PUDP: variants seen among roughly 807,000 people sequenced by gnomAD.
The protein encoded by PUDP is pseudouridine 5'-phosphatase, also known as pseudouridine-5'-phosphatase.
Under a neutral mutation model 9.4 loss-of-function variants are expected in PUDP, and 8 were observed. The observed-to-expected ratio is 0.85, with a 90% confidence interval of 0.50 to 1.53. The LOEUF (loss-of-function observed/expected upper bound fraction) is 1.53, where lower values mean the gene tolerates loss of function less well. Ranked by LOEUF, PUDP falls within the 40% of genes most tolerant of loss-of-function variation. PUDP has a pLI of 0.00. For synonymous variants in PUDP, 99 were observed against 80.7 expected, an observed-to-expected ratio of 1.23 and a Z score of -1.22; for missense variants, 188 against 189.7, an observed-to-expected ratio of 0.99 and a Z score of 0.05.
In PUDP at chrX:6,870,926, T is replaced by C. The variant is rs1927165779; in HGVS notation, c.*247+106207A>G. Among the ~76,000 whole-genome samples, 3 of 111,652 alleles carry C rather than the reference T, an allele frequency of 2.7e-5. No homozygotes were observed. In the Admixed American group the frequency reaches 2.9e-4, roughly 11 times the overall value. ...AATCATAGCTGTCTGCAGCCTCAAATTCCTGGGCTCAAGCGATCTTCTTGC... is the reference window on the plus strand; with the variant it reads ...AATCATAGCTGTCTGCAGCCTCAAACTCCTGGGCTCAAGCGATCTTCTTGC... On this transcript the variant is annotated intron_variant and NMD_transcript_variant, in intron 3 of 3. Coordinates refer to the PUDP transcript ENST00000655425.
intron 1 of PUDP, among the ~76,000 whole-genome samples, chrX:7,145,823 A>T (rs1176968047): frequency 8.9e-6 from 1 of 111,974 alleles, no homozygotes; most frequent in East Asian, 2.8e-4. Flanking sequence ...CTACATAGAC[A>T]AACAGAACTT....
intron 1 of PUDP, among the ~76,000 whole-genome samples, chrX:6,716,638 T>G (rs1475133793): frequency 1.2e-5 from 1 of 80,615 alleles, no homozygotes; most frequent in Non-Finnish European, 2.6e-5. Flanking sequence ...TGTATGTATG[T>G]ATTTTTTTTT....
intron 3 of PUDP, among the ~76,000 whole-genome samples, chrX:7,063,448 A>G (rs1453253815): frequency 9.0e-6 from 1 of 111,275 alleles, no homozygotes; most frequent in Non-Finnish European, 1.9e-5. Context: ...GCTTATCTGA[A>G]GGGGCTGGAA....
At chrX:6,985,090 G>A (rs1424367934) in intron 1 of PUDP, among the ~76,000 whole-genome samples, 1 of 111,795 alleles carries the variant, frequency 8.9e-6, no homozygotes, top group African/African-American at 3.3e-5. Flanking sequence ...TTATTCTAGA[G>A]GACCAATGAA....
At chrX:7,036,318 A>G (rs898023467) in intron 1 of PUDP, among the ~76,000 whole-genome samples, 1 of 111,908 alleles carries the variant, frequency 8.9e-6, no homozygotes, top group African/African-American at 3.3e-5. Flanking sequence ...AACTTCAAAT[A>G]CCAGGAATTT....
chrX:7,046,108 C>T (rs1229752185), downstream of PUDP, among the ~76,000 whole-genome samples: 1 of 112,071 alleles, frequency 8.9e-6, no homozygotes, highest in Non-Finnish European at 1.9e-5. Context: ...AGTGAAAATT[C>T]TTTTTTGTTT....
intron 3 of PUDP, among the ~76,000 whole-genome samples, chrX:6,872,985 T>C (rs1927198485): frequency 9.0e-6 from 1 of 111,348 alleles, no homozygotes; most frequent in Admixed American, 9.6e-5. Context: ...GGTGTCTGAA[T>C]CAAGGCAGAC....
In PUDP at chrX:7,001,104, T is replaced by C. The variant is rs1929318860; in HGVS notation, c.205-22761A>G. 2.7e-5 allele frequency among the ~76,000 whole-genome samples: 3 copies of C among 110,314 alleles called. No homozygotes were observed. In the Admixed American group the frequency reaches 2.9e-4, roughly 11 times the overall value. On this transcript the variant is annotated intron_variant and NMD_transcript_variant, in intron 1 of 3. Coordinates refer to the PUDP transcript ENST00000655425. ...TATTAGAATTAATGAGGGTTTTTGA[T>C]GATTGCTGGATACAACATAAATATT...
chrX:7,041,086 C>G (rs1929915575), intron 1 of PUDP, among the ~76,000 whole-genome samples: 1 of 112,065 alleles, frequency 8.9e-6, no homozygotes, highest in Non-Finnish European at 1.9e-5. Flanking sequence ...AGGCGATGAG[C>G]AGAGTCATGT....
intron 1 of PUDP, among the ~76,000 whole-genome samples, chrX:7,130,821 G>C (rs1338766979): frequency 8.9e-6 from 1 of 111,842 alleles, no homozygotes; most frequent in Non-Finnish European, 1.9e-5. Flanking sequence ...GGGAGGCAGA[G>C]GTTGCAATGA....
chrX:6,934,036 G>A (rs1374697215), intron 3 of PUDP, among the ~76,000 whole-genome samples: 3 of 100,022 alleles, frequency 3.0e-5, no homozygotes, highest in Non-Finnish European at 4.0e-5. Context: ...GGGGAGAATG[G>A]AACCAAGTTG....
intron 3 of PUDP, among the ~76,000 whole-genome samples, chrX:6,901,756 G>C (rs976619335): frequency 3.5e-5 from 4 of 112,727 alleles, no homozygotes; most frequent in Non-Finnish European, 7.5e-5. Context: ...CCCTGCATTG[G>C]GCAGGGAGAC....
intron 1 of PUDP, among the ~76,000 whole-genome samples, chrX:7,034,946 C>CT (rs749809828): frequency 2.1e-4 from 24 of 111,887 alleles, no homozygotes; most frequent in Non-Finnish European, 1.5e-4. Flanking sequence ...GGGATACATT[C>CT]TTTTTTTATA....
chrX:6,916,217 CA>C, intron 3 of PUDP, among the ~76,000 whole-genome samples: 1 of 103,062 alleles, frequency 9.7e-6, no homozygotes, highest in Non-Finnish European at 2.0e-5. Context: ...CACACACACA[CA>C]CACACACACA....
intron 3 of PUDP, among the ~76,000 whole-genome samples, chrX:6,801,285 G>C (rs1406388136): frequency 8.9e-6 from 1 of 112,257 alleles, no homozygotes; most frequent in Non-Finnish European, 1.9e-5. Context: ...ACACCCCTGG[G>C]TTATGTGGCA....
rs760411646 is a variant in PUDP at position 6,743,280 on chromosome X, T to C, written c.*248-36814A>G. Among the ~76,000 whole-genome samples the C allele has an allele frequency of 2.4e-3, 266 of 112,206 alleles. 1 individual carries two copies. Among genetic ancestry groups the C allele is most frequent in the Non-Finnish European group, 4.0e-3 (213 of 53,325 alleles). On this transcript the variant is annotated intron_variant and NMD_transcript_variant, in intron 3 of 3. Coordinates refer to the PUDP transcript ENST00000655425. ...AGCCCCACCAGCCAGTCAACAAGTTTCATCACGAATAAAATTCCAAATTTT... is the reference window on the plus strand; with the variant it reads ...AGCCCCACCAGCCAGTCAACAAGTTCCATCACGAATAAAATTCCAAATTTT...
intron 3 of PUDP, among the ~76,000 whole-genome samples, chrX:6,741,422 G>A (rs1026113940): frequency 3.6e-5 from 4 of 111,569 alleles, no homozygotes; most frequent in Admixed American, 2.8e-4. Context: ...GAATTTAATC[G>A]AAACTGATGT....
chrX:6,955,406 A>G (rs1928613330), intron 3 of PUDP, among the ~76,000 whole-genome samples: 1 of 110,189 alleles, frequency 9.1e-6, no homozygotes, highest in Non-Finnish European at 1.9e-5. Flanking sequence ...TTTTTTGTAG[A>G]GATGGGTCTT....
intron 3 of PUDP, among the ~76,000 whole-genome samples, chrX:6,881,292 C>T (rs1927342583): frequency 1.8e-5 from 2 of 112,328 alleles, no homozygotes; most frequent in African/African-American, 6.5e-5. Flanking sequence ...TTCAGGTCAT[C>T]AGCAACCTAG....
Sources: allele counts gnomAD v4.1 joint callset (sites outside exome capture counted in the v4.1 genomes callset), GRCh38; gene constraint gnomAD v4.1.1; transcripts MANE v1.5; gene names NCBI Gene and HGNC (gene_info 2026-07-23, HGNC 2026-07-21).